TMEM230: variants seen among roughly 807,000 people sequenced by gnomAD.
TMEM230 encodes the protein transmembrane protein 230.
A neutral mutation model predicts 15.8 loss-of-function variants in TMEM230; 10 were observed. The ratio of observed to expected loss-of-function variants is 0.63; its 90% confidence interval spans 0.39 to 1.07. The LOEUF (loss-of-function observed/expected upper bound fraction) is 1.07. TMEM230 is among the 50% of genes least tolerant of loss of function. TMEM230 has a pLI of 0.01. For missense variants in TMEM230, 165 were observed against 193.3 expected, an observed-to-expected ratio of 0.85 and a Z score of 0.87; for synonymous variants, 67 against 76.9, an observed-to-expected ratio of 0.87 and a Z score of 0.68.
chr20:5,072,848 CAAAAAAA>C (rs3056051), intron 3 of TMEM230, among the ~76,000 whole-genome samples: 1 of 51,440 alleles, frequency 1.9e-5, no homozygotes, highest in Admixed American at 2.8e-4. Flanking sequence ...GACTCCACCT[CAAAAAAA>C]AAAAAAAAAA....
intron 3 of TMEM230, among the ~76,000 whole-genome samples, chr20:5,079,909 C>T (rs2089129144): frequency 6.6e-6 from 1 of 152,122 alleles, no homozygotes; most frequent in African/African-American, 2.4e-5. Context: ...TATGCACCCC[C>T]ATACCTGGCT....
downstream of TMEM230, among the ~76,000 whole-genome samples, chr20:5,067,762 C>CCT (rs536783213): frequency 7.4e-6 from 1 of 135,770 alleles, no homozygotes; most frequent in Non-Finnish European, 1.5e-5. Flanking sequence ...CCCCCCTCTG[C>CCT]TTTTTTTTTT....
chr20:5,105,661 T>C (rs1308313086), intron 4 of TMEM230, among the ~76,000 whole-genome samples: 1 of 152,178 alleles, frequency 6.6e-6, no homozygotes, highest in Non-Finnish European at 1.5e-5. Flanking sequence ...TTTAGCCTGA[T>C]GTGATTATTA....
the TMEM230 span, among the ~76,000 whole-genome samples, chr20:5,059,650 C>T: frequency 6.6e-6 from 1 of 151,852 alleles, no homozygotes; most frequent in African/African-American, 2.4e-5. Flanking sequence ...CTCAGTGTTG[C>T]CCAGGCTGGA....
intron 4 of TMEM230, among the ~76,000 whole-genome samples, chr20:5,103,999 G>A (rs948524981): frequency 6.6e-6 from 1 of 151,834 alleles, no homozygotes; most frequent in African/African-American, 2.4e-5. Flanking sequence ...CCACAGAATG[G>A]GAAAAAATAT....
chr20:5,087,912 C>T (rs2089394442), intron 3 of TMEM230, among the ~76,000 whole-genome samples: 1 of 147,788 alleles, frequency 6.8e-6, no homozygotes, highest in Non-Finnish European at 1.5e-5. Context: ...AGGTGAGTCT[C>T]AAACTCCTGG....
In TMEM230 at chr20:5,100,718, G is replaced by A; in HGVS notation, c.*73C>T. Reference sequence around the variant, plus strand: ...AAGCTGCAGAATTCCTTAGTCCTCAGCTATAGTTTCTGCTAGATATCTTAA... The same window carrying A: ...AAGCTGCAGAATTCCTTAGTCCTCAACTATAGTTTCTGCTAGATATCTTAA... On this transcript the variant is annotated 3_prime_UTR_variant, in exon 5 of 5. Coordinates refer to ENST00000342308, the MANE Select transcript of TMEM230 (RefSeq NM_001009923.2). The A allele has an allele frequency of 6.3e-7, 1 of 1,579,990 alleles. No individual in the cohort carries two copies. Among genetic ancestry groups the A allele is most frequent in the East Asian group, 2.3e-5 (1 of 44,210 alleles).
intron 4 of TMEM230, among the ~76,000 whole-genome samples, chr20:5,104,882 G>C (rs925006493): frequency 3.3e-5 from 5 of 152,214 alleles, no homozygotes; most frequent in African/African-American, 1.2e-4. Context: ...GAAAGGTAGG[G>C]GGGAATGGGG....
the TMEM230 span, among the ~76,000 whole-genome samples, chr20:5,059,119 G>A: frequency 6.6e-6 from 1 of 152,044 alleles, no homozygotes; most frequent in Admixed American, 6.6e-5. Flanking sequence ...CAAAATCTAA[G>A]TGGCTCAAAA....
chr20:5,111,886 AC>A, intron 1 of TMEM230: 1 of 693,362 alleles, frequency 1.4e-6, no homozygotes, highest in Non-Finnish European at 1.8e-6. Context: ...TCGCTCTGTC[AC>A]CCAGGCTAGA....
chr20:5,095,011 G>A (rs1305328218), downstream of TMEM230, among the ~76,000 whole-genome samples: 1 of 152,160 alleles, frequency 6.6e-6, no homozygotes, highest in East Asian at 1.9e-4. Context: ...ACCCTCCCAG[G>A]ATGTGCTGGT....
At chr20:5,071,927 T>C (rs1382421713) in intron 3 of TMEM230, among the ~76,000 whole-genome samples, 2 of 152,014 alleles carry the variant, frequency 1.3e-5, no homozygotes, top group Non-Finnish European at 2.9e-5. Flanking sequence ...ATTTTTGTAT[T>C]TTTAGTAGAG....
intron 4 of TMEM230, among the ~76,000 whole-genome samples, chr20:5,103,096 G>A (rs991702041): frequency 1.3e-5 from 2 of 152,216 alleles, no homozygotes; most frequent in African/African-American, 2.4e-5. Flanking sequence ...GGGTGTGGTG[G>A]CTCACGCCTG....
intron 3 of TMEM230, among the ~76,000 whole-genome samples, chr20:5,071,629 A>G (rs2088829784): frequency 1.7e-4 from 3 of 17,294 alleles, no homozygotes; most frequent in Non-Finnish European, 5.7e-4. Flanking sequence ...GTCTCAAAAA[A>G]AAAAAAAAAC....
Position 5,100,469 on chromosome 20 carries a change from A to C in TMEM230, c.*322T>G. ...TTGCTACAAGAACAAATTGGCAATG[A>C]AGACTATTTAAAAGAAATGCTCAGC... On this transcript the variant is annotated 3_prime_UTR_variant, in exon 5 of 5. Transcript: ENST00000342308. 9.6e-7 allele frequency: 1 copy of C among 1,043,298 alleles called. No homozygotes were observed. Among genetic ancestry groups the C allele is most frequent in the South Asian group, 3.7e-5 (1 of 27,134 alleles). 64.6% of individuals were successfully genotyped at this position (1,043,298 alleles called of 1,614,324 possible).
chr20:5,111,950 G>A, intron 1 of TMEM230: 2 of 197,334 alleles, frequency 1.0e-5, no homozygotes, highest in Non-Finnish European at 1.8e-5. Context: ...GGGTTCAAAC[G>A]ATTCTCCTGC....
downstream of TMEM230, among the ~76,000 whole-genome samples, chr20:5,099,413 A>G (rs1018859201): frequency 6.6e-6 from 1 of 151,594 alleles, no homozygotes. Context: ...CCCATTACCA[A>G]AAGTCCCTAA....
chr20:5,076,473 G>A (rs973607063), intron 3 of TMEM230, among the ~76,000 whole-genome samples: 1 of 151,846 alleles, frequency 6.6e-6, no homozygotes, highest in African/African-American at 2.4e-5. Flanking sequence ...CCCATGAGGT[G>A]GAGGTTGCAG....
intron 3 of TMEM230, among the ~76,000 whole-genome samples, chr20:5,077,286 C>T (rs987271076): frequency 1.3e-5 from 2 of 151,944 alleles, no homozygotes; most frequent in African/African-American, 4.8e-5. Context: ...CCAGCCTAGG[C>T]AACAGAGCAA....
Sources: allele counts gnomAD v4.1 joint callset (sites outside exome capture counted in the v4.1 genomes callset), GRCh38; gene constraint gnomAD v4.1.1; transcripts MANE v1.5; gene names NCBI Gene and HGNC (gene_info 2026-07-23, HGNC 2026-07-21).